The following STXBP5L variants were observed in gnomAD, a reference collection of about 807,000 sequenced individuals.
STXBP5L encodes the protein syntaxin binding protein 5L.
STXBP5L carries 65 observed loss-of-function variants against 144.5 expected under a neutral mutation model. That is an observed-to-expected ratio of 0.45 (90% CI 0.37 to 0.55). The LOEUF (loss-of-function observed/expected upper bound fraction) is 0.55, where lower values mean the gene tolerates loss of function less well. Among genes scored for constraint, STXBP5L ranks in the 20% least tolerant of loss-of-function variants. The probability of loss-of-function intolerance (pLI) is 0.00; values close to 1 mark genes in which losing one functional copy is unlikely to be tolerated. For missense variants in STXBP5L, 1,298 were observed against 1,405.5 expected (o/e 0.92, Z 1.22); for synonymous variants, 505 against 469.6 (o/e 1.08, Z -0.97).
intron 3 of STXBP5L, among the ~76,000 whole-genome samples, chr3:121,013,137 G>C (rs1312928947): frequency 6.6e-6 from 1 of 151,886 alleles, no homozygotes; most frequent in Non-Finnish European, 1.5e-5. Context: ...TTGCTATTAT[G>C]AATAGTGCTG....
chr3:121,077,604 T>A (rs996443757), intron 5 of STXBP5L, among the ~76,000 whole-genome samples: 2 of 152,154 alleles, frequency 1.3e-5, no homozygotes, highest in Non-Finnish European at 1.5e-5. Flanking sequence ...ACTGCTGGCT[T>A]GGGCAGCCTG....
intron 19 of STXBP5L, among the ~76,000 whole-genome samples, chr3:121,302,710 C>A (rs1294133689): frequency 1.3e-5 from 2 of 152,096 alleles, no homozygotes; most frequent in East Asian, 3.9e-4. Flanking sequence ...AGAACAGAAC[C>A]CTCAAAAATA....
chr3:121,052,173 T>A (rs1293832227), intron 5 of STXBP5L, among the ~76,000 whole-genome samples: 1 of 152,178 alleles, frequency 6.6e-6, no homozygotes, highest in Non-Finnish European at 1.5e-5. Context: ...CTGGTACCAT[T>A]CCTTCTGAAA....
In STXBP5L at chr3:121,394,450, G is replaced by T. The variant is rs150442108; in HGVS notation, c.2588-12793G>T. ...GATTGCTCTGGTTAGGACTTGCATA[G>T]GAGTGGTGAAAGTATACATCCTTAT... is the stretch of plus-strand genomic sequence containing the variant. On this transcript the variant is annotated intron_variant, in intron 22 of 26. Transcript: ENST00000471454. Among the ~76,000 whole-genome samples the T allele has an allele frequency of 2.8e-3, 433 of 151,942 alleles. 4 individuals carry two copies. The highest frequency in any genetic ancestry group is 9.9e-3 in the African/African-American group (411 of 41,452).
intron 14 of STXBP5L, among the ~76,000 whole-genome samples, chr3:121,248,025 C>A (rs962810500): frequency 6.6e-6 from 1 of 152,104 alleles, no homozygotes; most frequent in East Asian, 1.9e-4. Flanking sequence ...GACTGTTGTA[C>A]GATGGTATCC....
At chr3:121,305,835 G>GA (rs1165327460) in intron 19 of STXBP5L, among the ~76,000 whole-genome samples, 1 of 152,038 alleles carries the variant, frequency 6.6e-6, no homozygotes, top group Non-Finnish European at 1.5e-5. Flanking sequence ...AGATTAGAAA[G>GA]AAAATTTAAA....
intron 20 of STXBP5L, among the ~76,000 whole-genome samples, chr3:121,320,842 A>G (rs968368346): frequency 1.3e-5 from 2 of 151,952 alleles, no homozygotes; most frequent in African/African-American, 4.8e-5. Flanking sequence ...CTGGGACTAC[A>G]GGAGCGTGTC....
intron 7 of STXBP5L, among the ~76,000 whole-genome samples, chr3:121,149,564 A>G (rs753182922): frequency 1.1e-4 from 17 of 152,066 alleles, no homozygotes; most frequent in Non-Finnish European, 2.2e-4. Flanking sequence ...ATATGATAAT[A>G]TATCTGGAAT....
intron 2 of STXBP5L, among the ~76,000 whole-genome samples, chr3:120,943,081 C>T (rs1370901040): frequency 1.3e-5 from 2 of 151,288 alleles, no homozygotes; most frequent in Non-Finnish European, 3.0e-5. Context: ...ATTTATTTTC[C>T]CTTCCATGAA....
At chr3:121,184,850 G>T (rs757055343) in intron 9 of STXBP5L, among the ~76,000 whole-genome samples, 1 of 152,164 alleles carries the variant, frequency 6.6e-6, no homozygotes, top group Admixed American at 6.5e-5. Flanking sequence ...AAGCCTATCG[G>T]ACTAACAGCA....
intron 2 of STXBP5L, among the ~76,000 whole-genome samples, chr3:120,912,616 G>A (rs1037751288): frequency 6.8e-6 from 1 of 147,832 alleles, no homozygotes; most frequent in Admixed American, 6.9e-5. Context: ...TTTGGTTCAA[G>A]GTCAGCCAAA....
intron 14 of STXBP5L, among the ~76,000 whole-genome samples, chr3:121,247,264 C>CTTAA (rs2049885014): frequency 6.6e-6 from 1 of 152,192 alleles, no homozygotes; most frequent in South Asian, 2.1e-4. Flanking sequence ...TAGGGTGAGA[C>CTTAA]TTAAACCTTA....
intron 19 of STXBP5L, among the ~76,000 whole-genome samples, chr3:121,298,119 T>G (rs2051732756): frequency 2.0e-5 from 3 of 152,194 alleles, no homozygotes. Flanking sequence ...GATTCCAATT[T>G]CTCCACATCC....
chr3:121,157,171 G>C (rs1366694189), intron 8 of STXBP5L, among the ~76,000 whole-genome samples: 1 of 152,004 alleles, frequency 6.6e-6, no homozygotes, highest in Non-Finnish European at 1.5e-5. Context: ...ATCTCTCAAG[G>C]CCTGTTTCAC....
chr3:121,159,021 T>C (rs2046219342), intron 9 of STXBP5L: 1 of 152,118 alleles, frequency 6.6e-6, no homozygotes. Context: ...ATTATATTCC[T>C]GTTGCCTCAC....
At chr3:121,389,244 T>G (rs1305100645) in intron 22 of STXBP5L, among the ~76,000 whole-genome samples, 2 of 152,226 alleles carry the variant, frequency 1.3e-5, no homozygotes, top group Non-Finnish European at 1.5e-5. Context: ...ATATCCCTTT[T>G]ATCATTTTTA....
intron 20 of STXBP5L, among the ~76,000 whole-genome samples, chr3:121,328,962 TA>T (rs1202230960): frequency 1.3e-5 from 2 of 151,686 alleles, no homozygotes; most frequent in African/African-American, 4.8e-5. Context: ...TTTAATTACT[TA>T]AAAAAAGAAC....
intron 22 of STXBP5L, among the ~76,000 whole-genome samples, chr3:121,399,856 T>C (rs751134236): frequency 2.6e-5 from 4 of 152,222 alleles, no homozygotes; most frequent in Non-Finnish European, 5.9e-5. Context: ...TGGCCAGATT[T>C]TGGGGGGCCT....
chr3:121,274,689 T>A (rs906670984), intron 18 of STXBP5L, among the ~76,000 whole-genome samples: 1 of 152,214 alleles, frequency 6.6e-6, no homozygotes, highest in Admixed American at 6.5e-5. Context: ...ATTTTTTTTA[T>A]TTGGCATTGA....
Sources: gnomAD v4.1 joint callset for allele counts (sites outside exome capture counted in the v4.1 genomes callset) on GRCh38, gnomAD v4.1.1 for gene constraint, MANE v1.5 for transcripts, NCBI Gene and HGNC (gene_info 2026-07-23, HGNC 2026-07-21) for gene names.